The following KLF8 variants were observed in gnomAD, a reference collection of about 807,000 sequenced individuals.
KLF8 encodes KLF transcription factor 8, also known as Krueppel-like factor 8.
KLF8 carries 10 observed loss-of-function variants against 18.2 expected under a neutral mutation model. That is an observed-to-expected ratio of 0.55 (90% CI 0.34 to 0.93). The LOEUF is 0.93. Among genes scored for constraint, KLF8 ranks in the 40% least tolerant of loss-of-function variants. The pLI, the probability that KLF8 is intolerant of heterozygous loss-of-function variation, is 0.02. For synonymous variants in KLF8, 109 were observed against 97.3 expected (o/e 1.12, Z -0.71); for missense variants, 264 against 277.9 (o/e 0.95, Z 0.36).
the KLF8 span, among the ~76,000 whole-genome samples, chrX:55,983,272 T>C: frequency 9.0e-6 from 1 of 111,498 alleles, no homozygotes; most frequent in Non-Finnish European, 1.9e-5. Flanking sequence ...TCTAAACTTA[T>C]TAAAATTCTA....
the KLF8 span, among the ~76,000 whole-genome samples, chrX:55,972,798 A>G: frequency 4.5e-5 from 5 of 112,127 alleles, no homozygotes; most frequent in East Asian, 1.1e-3. Context: ...GCCCAAAGCA[A>G]TTTACAGATC....
chrX:55,932,602 T>C, the KLF8 span, among the ~76,000 whole-genome samples: 2 of 111,821 alleles, frequency 1.8e-5, no homozygotes, highest in African/African-American at 6.5e-5. Flanking sequence ...GTCTGCAAAG[T>C]ATTTTATTTC....
At chrX:56,012,722 A>C in the KLF8 span, among the ~76,000 whole-genome samples, 5 of 111,568 alleles carry the variant, frequency 4.5e-5, no homozygotes, top group African/African-American at 1.6e-4. Context: ...AAAGCTTCTT[A>C]ACCTGATAAG....
the KLF8 span, among the ~76,000 whole-genome samples, chrX:55,954,650 A>T: frequency 1.8e-5 from 2 of 112,271 alleles, no homozygotes; most frequent in Non-Finnish European, 3.8e-5. Flanking sequence ...GACGAAACTG[A>T]TTTATCATGT....
At chrX:56,035,660 T>C in the KLF8 span, among the ~76,000 whole-genome samples, 2 of 112,191 alleles carry the variant, frequency 1.8e-5, no homozygotes, top group East Asian at 2.8e-4. Context: ...GCCTCCTTAA[T>C]TGGGGTGAAA....
At chrX:56,210,185 C>T in the KLF8 span, among the ~76,000 whole-genome samples, 2,955 of 111,550 alleles carry the variant, frequency 0.026, 99 homozygotes, top group African/African-American at 0.092. Flanking sequence ...ATGTCCTTTC[C>T]TTTTTGATTG....
chrX:56,216,357 T>C, the KLF8 span, among the ~76,000 whole-genome samples: 1 of 110,387 alleles, frequency 9.1e-6, no homozygotes, highest in African/African-American at 3.3e-5. Flanking sequence ...AACAAAGCTC[T>C]TTGTTTTAAT....
At chrX:56,034,825 G>A in the KLF8 span, among the ~76,000 whole-genome samples, 2 of 86,605 alleles carry the variant, frequency 2.3e-5, no homozygotes, top group Non-Finnish European at 4.3e-5. Context: ...GCGCGTTCTC[G>A]GCTCACTGCA....
At chrX:56,197,052 C>A in the KLF8 span, among the ~76,000 whole-genome samples, 1 of 111,390 alleles carries the variant, frequency 9.0e-6, no homozygotes, top group Non-Finnish European at 1.9e-5. Flanking sequence ...CCAATGAGAA[C>A]AAAGACACAA....
the KLF8 span, among the ~76,000 whole-genome samples, chrX:55,928,591 CT>C: frequency 9.0e-6 from 1 of 111,407 alleles, no homozygotes; most frequent in African/African-American, 3.3e-5. Context: ...TCAACTCCCA[CT>C]TATGAGTGAG....
At chrX:56,055,847 T>G in the KLF8 span, among the ~76,000 whole-genome samples, 1 of 111,887 alleles carries the variant, frequency 8.9e-6, no homozygotes, top group African/African-American at 3.3e-5. Flanking sequence ...CTCCACTTGG[T>G]CTATTTTCCT....
At chrX:56,052,441 G>A in the KLF8 span, among the ~76,000 whole-genome samples, 1 of 111,695 alleles carries the variant, frequency 9.0e-6, no homozygotes, top group Non-Finnish European at 1.9e-5. Flanking sequence ...GTACAGATGG[G>A]TTTTTGGTGT....
the KLF8 span, among the ~76,000 whole-genome samples, chrX:55,938,753 C>A: frequency 9.0e-6 from 1 of 110,973 alleles, no homozygotes; most frequent in East Asian, 2.8e-4. Context: ...GACTTTAAAC[C>A]AACAAAGATC....
the KLF8 span, among the ~76,000 whole-genome samples, chrX:56,201,686 G>A: frequency 9.0e-6 from 1 of 111,110 alleles, no homozygotes; most frequent in African/African-American, 3.3e-5. Flanking sequence ...GGACTTGATG[G>A]TTTCATGGAT....
chrX:56,139,809 A>G, the KLF8 span, among the ~76,000 whole-genome samples: 14,107 of 111,354 alleles, frequency 0.13, 1,621 homozygotes, highest in African/African-American at 0.37. Flanking sequence ...CTTCTGCACA[A>G]CAAAATAAAC....
chrX:56,184,915 A>T, the KLF8 span, among the ~76,000 whole-genome samples: 1 of 112,274 alleles, frequency 8.9e-6, no homozygotes, highest in African/African-American at 3.2e-5. Flanking sequence ...AAAACCACAA[A>T]GATGGGGAAA....
the KLF8 span, among the ~76,000 whole-genome samples, chrX:56,182,364 A>G: frequency 8.9e-6 from 1 of 111,925 alleles, no homozygotes; most frequent in East Asian, 2.8e-4. Context: ...CCATTTGTCT[A>G]ATCTTTTTTG....
chrX:56,241,937 CA>C (rs1223303197), intron 1 of KLF8, among the ~76,000 whole-genome samples: 1 of 112,219 alleles, frequency 8.9e-6, no homozygotes, highest in Non-Finnish European at 1.9e-5. Flanking sequence ...TTGATTCTTA[CA>C]AGTATCTTGT....
At chrX:56,269,238 A>G in intron 3 of KLF8, 140 bp from the exon 4 acceptor site, 2 of 1,051,584 alleles carry the variant, frequency 1.9e-6, no homozygotes, top group African/African-American at 3.8e-5. Context: ...ATGCAAATAC[A>G]CTTCTTTCAT....
Sources: gnomAD v4.1 joint callset for allele counts (sites outside exome capture counted in the v4.1 genomes callset) on GRCh38, gnomAD v4.1.1 for gene constraint, MANE v1.5 for transcripts, NCBI Gene and HGNC (gene_info 2026-07-23, HGNC 2026-07-21) for gene names.